SH3YL1: variants seen among roughly 807,000 people sequenced by gnomAD.
The protein encoded by SH3YL1 is SH3 and SYLF domain containing 1.
A neutral mutation model predicts 45.8 loss-of-function variants in SH3YL1; 41 were observed. That is an observed-to-expected ratio of 0.89 (90% CI 0.70 to 1.16). The LOEUF is 1.16. Among genes scored for constraint, SH3YL1 ranks in the 50% most tolerant of loss-of-function variants. The pLI, the probability that SH3YL1 is intolerant of heterozygous loss-of-function variation, is 0.00. For synonymous variants in SH3YL1, 152 were observed against 151.4 expected (o/e 1.00, Z -0.03); for missense variants, 389 against 409.6 (o/e 0.95, Z 0.43).
rs189432940 is a variant in SH3YL1 at position 224,160 on chromosome 2, T to C, written c.838+704A>G. Among the ~76,000 whole-genome samples the C allele has an allele frequency of 1.5e-3, 231 of 152,344 alleles. 1 individual carries two copies. Among genetic ancestry groups the C allele is most frequent in the African/African-American group, 5.2e-3 (215 of 41,580 alleles). ...ATGTGAAAAAATAAACAGGCTATTTTATGATTGTTTAACTTTGCCCTCAAT... is the reference window on the plus strand; with the variant it reads ...ATGTGAAAAAATAAACAGGCTATTTCATGATTGTTTAACTTTGCCCTCAAT... On this transcript the variant is annotated intron_variant, in intron 9 of 9. Transcript: ENST00000356150.
At position 231,141 on chromosome 2, in the gene SH3YL1, G is replaced by A. The variant is rs571192029; in HGVS notation, c.584C>T (p.Pro195Leu). 1.9e-5 allele frequency: 30 copies of A among 1,613,722 alleles called. No individual in the cohort carries two copies. The Middle Eastern group carries it at 5.0e-4, about 27-fold the overall frequency. ...AAGATCTTCGGCTTGAGCAGGCCGC[G>A]GTGTATCTCCAAATAAAATGTCATA... ...RAYDILFGDT[P>L]RPAQAEDLYE... The change falls in exon 7 of 10, where the codon CCG becomes CTG. Residue 195 changes from proline (P) to leucine (L), a missense_variant. Coordinates refer to ENST00000356150, the MANE Select transcript of SH3YL1 (RefSeq NM_015677.4).
intron 3 of SH3YL1, among the ~76,000 whole-genome samples, chr2:247,832 T>C (rs574837027): frequency 4.6e-5 from 7 of 152,208 alleles, no homozygotes; most frequent in Non-Finnish European, 8.8e-5. Flanking sequence ...CACAAGCCCA[T>C]GTCCTCTAAT....
At chr2:229,602 G>A (rs113045084) in intron 8 of SH3YL1, among the ~76,000 whole-genome samples, 2,567 of 150,410 alleles carry the variant, frequency 0.017, 45 homozygotes, top group Non-Finnish European at 0.025. Context: ...AGTGGCGGGC[G>A]CCTGTAGTCC....
At chr2:242,753 C>G in intron 4 of SH3YL1, 1 of 1,490,168 alleles carries the variant, frequency 6.7e-7, no homozygotes, top group Admixed American at 2.4e-5. Flanking sequence ...ACAACAACAT[C>G]CAATTATATG....
intron 6 of SH3YL1, among the ~76,000 whole-genome samples, 190 bp from the exon 7 acceptor site, chr2:231,381 T>C (rs978934897): frequency 3.6e-4 from 55 of 152,200 alleles, no homozygotes; most frequent in South Asian, 4.1e-4. Flanking sequence ...CAAAGTTCAC[T>C]TCTACAGGCA....
intron 4 of SH3YL1, among the ~76,000 whole-genome samples, chr2:245,071 G>A (rs1384533995): frequency 6.6e-6 from 1 of 152,174 alleles, no homozygotes; most frequent in African/African-American, 2.4e-5. Context: ...ACAGCAGGCG[G>A]GAGTGCTCTG....
At chr2:229,314 T>C (rs1453047027) in intron 8 of SH3YL1, among the ~76,000 whole-genome samples, 1 of 152,134 alleles carries the variant, frequency 6.6e-6, no homozygotes, top group Non-Finnish European at 1.5e-5. Flanking sequence ...ATGAGTATGA[T>C]AAGAAAAAAA....
At chr2:221,004 T>C (rs1365457442) in intron 9 of SH3YL1, among the ~76,000 whole-genome samples, 1 of 152,092 alleles carries the variant, frequency 6.6e-6, no homozygotes, top group Non-Finnish European at 1.5e-5. Context: ...TCGATGTGCA[T>C]CTGGGAAGAG....
chr2:229,654 G>A (rs993988715), intron 8 of SH3YL1, among the ~76,000 whole-genome samples: 42 of 149,476 alleles, frequency 2.8e-4, no homozygotes, highest in African/African-American at 1.0e-3. Context: ...GCGTGAACCC[G>A]GGAGGCGGAG....
chr2:251,603 A>C (rs546846225), intron 2 of SH3YL1, among the ~76,000 whole-genome samples: 36 of 152,324 alleles, frequency 2.4e-4, no homozygotes, highest in African/African-American at 8.7e-4. Context: ...GCTCTAAAGC[A>C]GCGCTTCTGA....
In SH3YL1 at chr2:218,802, G is replaced by A; in HGVS notation, c.*9C>T. On this transcript the variant is annotated 3_prime_UTR_variant, in exon 10 of 10. Coordinates refer to ENST00000356150, the MANE Select transcript of SH3YL1 (RefSeq NM_015677.4). ...TTTGTAATTCTCAAAGAAGAAAATA[G>A]TATACGCTTTAATTCATGGTTACGT... is the stretch of plus-strand genomic sequence containing the variant. 2 of 1,598,562 alleles carry A rather than the reference G, an allele frequency of 1.3e-6. No homozygotes were observed. Among genetic ancestry groups the A allele is most frequent in the Non-Finnish European group, 1.7e-6 (2 of 1,170,600 alleles).
chr2:246,467 C>T (rs940718070), intron 4 of SH3YL1, among the ~76,000 whole-genome samples: 8 of 152,112 alleles, frequency 5.3e-5, no homozygotes, highest in African/African-American at 1.9e-4. Flanking sequence ...AGCATGCCCC[C>T]AGCCTCACAA....
rs77914705 is a variant in SH3YL1 at position 220,084 on chromosome 2, T to C, written c.839-1083A>G. The stretch of plus-strand genomic sequence containing the variant: ...AGCTACATGGAGTCTGATGCTTCTA[T>C]GCTTCATATAATTCTGTGCATAAAT... On this transcript the variant is annotated intron_variant, in intron 9 of 9. Transcript: ENST00000356150. Among the ~76,000 whole-genome samples, 834 of 151,336 alleles carry C rather than the reference T, an allele frequency of 5.5e-3. 10 individuals are homozygous for C. Among genetic ancestry groups the C allele is most frequent in the African/African-American group, 0.019 (795 of 41,160 alleles).
chr2:264,602 C>CT, upstream of SH3YL1: 1 of 113,800 alleles, frequency 8.8e-6, no homozygotes, highest in South Asian at 2.9e-4. Context: ...GTGACTCCCC[C>CT]CCGCCAACCC....
Position 218,869 on chromosome 2 carries a change from T to G in SH3YL1, c.971A>C (p.Glu324Ala). The change falls in exon 10 of 10, where the codon GAA becomes GCA. Residue 324 changes from glutamate to alanine, a missense_variant. Physicochemically the swap from Glu to Ala is moderately radical, Grantham distance 107 (BLOSUM62 -1). Coordinates refer to ENST00000356150, the MANE Select transcript of SH3YL1 (RefSeq NM_015677.4). ...SKTDSHFDWW[E>A]GKLRGQTGIF... ...GCCAGTTTGACCTCGAAGTTTTCCT[T>G]CCCACCAATCAAAATGTGAATCTGT... The G allele has an allele frequency of 6.2e-7, 1 of 1,614,102 alleles. No homozygotes were observed. Among genetic ancestry groups the G allele is most frequent in the Middle Eastern group, 1.6e-4 (1 of 6,062 alleles).
chr2:227,462 G>C (rs1667833137), intron 8 of SH3YL1, among the ~76,000 whole-genome samples: 2 of 152,074 alleles, frequency 1.3e-5, no homozygotes, highest in South Asian at 4.1e-4. Context: ...ATATACATTT[G>C]TGCCATGGAT....
chr2:225,399 T>C (rs1450053752), intron 8 of SH3YL1, among the ~76,000 whole-genome samples: 1 of 152,232 alleles, frequency 6.6e-6, no homozygotes, highest in Non-Finnish European at 1.5e-5. Flanking sequence ...AAACTGATTC[T>C]AACAGTACAG....
At chr2:249,652 G>T (rs570937592) in intron 3 of SH3YL1, 79 bp downstream of exon 3, 8 of 1,033,400 alleles carry the variant, frequency 7.7e-6, no homozygotes, top group African/African-American at 6.4e-5. Context: ...TGTCCTACTC[G>T]CTATGCAATG....
chr2:264,750 G>T, upstream of SH3YL1: 2 of 528,490 alleles, frequency 3.8e-6, no homozygotes, highest in Non-Finnish European at 6.6e-6. Flanking sequence ...CCCTGCAGGT[G>T]ACCCGCGGAC....
Sources: gnomAD v4.1 joint callset for allele counts (sites outside exome capture counted in the v4.1 genomes callset) on GRCh38, gnomAD v4.1.1 for gene constraint, MANE v1.5 for transcripts, NCBI Gene and HGNC (gene_info 2026-07-23, HGNC 2026-07-21) for gene names.